CCDC3: variants seen among roughly 807,000 people sequenced by gnomAD.
The protein encoded by CCDC3 is coiled-coil domain-containing protein 3.
In CCDC3, 24 loss-of-function variants were observed where a neutral mutation model predicts 21.4. The ratio of observed to expected loss-of-function variants is 1.12; its 90% CI spans 0.81 to 1.58. CCDC3 has a LOEUF of 1.58. CCDC3 is among the 40% of genes most tolerant of loss of function. The probability of loss-of-function intolerance (pLI) is 0.00; values close to 1 mark genes in which losing one functional copy is unlikely to be tolerated. For missense variants in CCDC3, 425 were observed against 360.9 expected (o/e 1.18, Z -1.44); for synonymous variants, 186 against 166.0 (o/e 1.12, Z -0.93).
intron 5 of CCDC3, among the ~76,000 whole-genome samples, chr10:13,039,555 C>T (rs1245003744): frequency 6.6e-6 from 1 of 152,066 alleles, no homozygotes. Context: ...GTATCTTTTG[C>T]CTAGGAGTTT....
At chr10:12,930,726 C>G (rs980985154) in intron 2 of CCDC3, among the ~76,000 whole-genome samples, 1 of 152,078 alleles carries the variant, frequency 6.6e-6, no homozygotes, top group African/African-American at 2.4e-5. Context: ...GGGCAGAGAC[C>G]AAAGATGCTA....
intron 2 of CCDC3, among the ~76,000 whole-genome samples, chr10:12,993,336 G>C (rs114594675): frequency 6.6e-6 from 1 of 152,130 alleles, no homozygotes; most frequent in Non-Finnish European, 1.5e-5. Context: ...ATCTGCCCAC[G>C]GTCATTCCTC....
At chr10:12,947,143 C>CT (rs66542050) in intron 2 of CCDC3, among the ~76,000 whole-genome samples, 10,218 of 145,470 alleles carry the variant, frequency 0.07, 376 homozygotes, top group Non-Finnish European at 0.091. Flanking sequence ...CTTTTGCTCA[C>CT]TTTTTTTTTT....
intron 4 of CCDC3, among the ~76,000 whole-genome samples, chr10:13,072,524 A>C (rs1361728761): frequency 6.6e-6 from 1 of 152,190 alleles, no homozygotes; most frequent in Non-Finnish European, 1.5e-5. Context: ...CCAGGGCTTC[A>C]TCTGAGCCTG....
chr10:13,024,736 C>T (rs546616537), intron 5 of CCDC3, among the ~76,000 whole-genome samples: 14 of 152,308 alleles, frequency 9.2e-5, no homozygotes, highest in Admixed American at 2.6e-4. Context: ...AGCCAGATTG[C>T]GCATTCCATA....
At chr10:13,044,019 T>C (rs371499652) in intron 5 of CCDC3, among the ~76,000 whole-genome samples, 3 of 1,944 alleles carry the variant, frequency 1.5e-3, no homozygotes, top group Admixed American at 0.022. Context: ...CTAGCATCTG[T>C]TGTTTTTTTG....
At chr10:13,012,621 AG>A (rs1375142862) in intron 5 of CCDC3, among the ~76,000 whole-genome samples, 7 of 152,076 alleles carry the variant, frequency 4.6e-5, no homozygotes, top group Non-Finnish European at 8.8e-5. Context: ...ATTAAGAAAA[AG>A]AAAAAAGAAA....
At chr10:12,972,413 C>A (rs1338670268) in intron 2 of CCDC3, among the ~76,000 whole-genome samples, 2 of 152,176 alleles carry the variant, frequency 1.3e-5, no homozygotes, top group Non-Finnish European at 2.9e-5. Flanking sequence ...CCCTCAACCA[C>A]ATCCCATTCT....
intron 2 of CCDC3, among the ~76,000 whole-genome samples, chr10:12,920,596 T>G (rs1222616411): frequency 1.3e-5 from 2 of 152,206 alleles, no homozygotes; most frequent in African/African-American, 4.8e-5. Context: ...TAATCGTGGT[T>G]TTTGCCATGA....
chr10:12,982,631 T>TA (rs1441066872), intron 2 of CCDC3, among the ~76,000 whole-genome samples: 41 of 149,710 alleles, frequency 2.7e-4, no homozygotes, highest in African/African-American at 9.6e-4. Flanking sequence ...CCATCTCTAC[T>TA]AAAAATACAA....
chr10:13,006,486 G>A (rs1001667831), upstream of CCDC3, among the ~76,000 whole-genome samples: 1 of 152,172 alleles, frequency 6.6e-6, no homozygotes, highest in South Asian at 2.1e-4. Flanking sequence ...GATAACTATC[G>A]CCACTTCTTT....
intron 2 of CCDC3, among the ~76,000 whole-genome samples, chr10:12,944,089 A>G (rs1033131946): frequency 6.6e-6 from 1 of 152,202 alleles, no homozygotes; most frequent in African/African-American, 2.4e-5. Context: ...AAGTGACTCC[A>G]GTAGAGTACC....
At chr10:13,035,727 G>A (rs527582686) in intron 5 of CCDC3, among the ~76,000 whole-genome samples, 1 of 152,324 alleles carries the variant, frequency 6.6e-6, no homozygotes, top group South Asian at 2.1e-4. Context: ...GACTTAAGCT[G>A]TCCTGGAACA....
Position 13,079,816 on chromosome 10 carries a change from T to C in CCDC3, c.-502-5716A>G, listed in dbSNP as rs573614339. Among the ~76,000 whole-genome samples the C allele has an allele frequency of 4.6e-5, 7 of 151,868 alleles. No homozygotes were observed. In the East Asian group the frequency reaches 1.2e-3, roughly 25 times the overall value. On this transcript the variant is annotated intron_variant, in intron 3 of 6. Transcript: ENST00000378839. ...GGGAGGAGAAGAGAGAGCAGCAGCGTGGGTGGCTGGCAGAGGCAGGGAAGA... is the reference window on the plus strand; with the variant it reads ...GGGAGGAGAAGAGAGAGCAGCAGCGCGGGTGGCTGGCAGAGGCAGGGAAGA...
chr10:12,927,589 A>G (rs1834564905), intron 2 of CCDC3, among the ~76,000 whole-genome samples: 2 of 152,306 alleles, frequency 1.3e-5, no homozygotes, highest in East Asian at 3.9e-4. Context: ...AATGGCAAAA[A>G]AAAACCTTTC....
At chr10:12,985,485 C>A (rs970875826) in intron 2 of CCDC3, among the ~76,000 whole-genome samples, 2 of 152,226 alleles carry the variant, frequency 1.3e-5, no homozygotes, top group African/African-American at 4.8e-5. Flanking sequence ...TGAATGTTCA[C>A]CGCAACTTTA....
At chr10:13,064,204 G>A (rs545270062) in intron 4 of CCDC3, among the ~76,000 whole-genome samples, 6 of 152,180 alleles carry the variant, frequency 3.9e-5, no homozygotes, top group Non-Finnish European at 5.9e-5. Flanking sequence ...GATTACAGGC[G>A]TGAGCCACTG....
At position 13,088,454 on chromosome 10, in the gene CCDC3, A is replaced by G. The variant is rs74119421; in HGVS notation, c.-503+10071T>C. Among the ~76,000 whole-genome samples, 450 of 152,352 alleles carry G rather than the reference A, an allele frequency of 3.0e-3. 4 individuals carry two copies. The highest frequency in any genetic ancestry group is 0.011 in the African/African-American group (439 of 41,592). The stretch of plus-strand genomic sequence containing the variant: ...CATCGCCCCAAATCCAGCAGAGTCA[A>G]TATCATCAAACTATAATTAGCACAA... On this transcript the variant is annotated intron_variant, in intron 3 of 6. Transcript: ENST00000378839.
intron 2 of CCDC3, among the ~76,000 whole-genome samples, chr10:12,905,153 C>T (rs915290962): frequency 6.6e-6 from 1 of 152,046 alleles, no homozygotes; most frequent in South Asian, 2.1e-4. Flanking sequence ...TTCCTGTTCT[C>T]GGGATTCAAA....
Sources: gnomAD v4.1 joint callset for allele counts (sites outside exome capture counted in the v4.1 genomes callset) on GRCh38, gnomAD v4.1.1 for gene constraint, MANE v1.5 for transcripts, NCBI Gene and HGNC (gene_info 2026-07-23, HGNC 2026-07-21) for gene names.